Variants in DGKB observed in about 807,000 individuals in gnomAD.
The protein encoded by DGKB is diacylglycerol kinase beta, also known as 90 kDa diacylglycerol kinase.
A neutral mutation model predicts 114.3 loss-of-function variants in DGKB; 67 were observed. The observed-to-expected ratio is 0.59, with a 90% CI of 0.48 to 0.72. DGKB has a LOEUF of 0.72. DGKB is among the 30% of genes least tolerant of loss of function. DGKB has a pLI of 0.00. For missense variants in DGKB, 907 were observed against 975.2 expected, an observed-to-expected ratio of 0.93 and a Z score of 0.93; for synonymous variants, 398 against 323.1, an observed-to-expected ratio of 1.23 and a Z score of -2.49.
chr7:14,436,678 A>AT (rs1583926654), intron 21 of DGKB, among the ~76,000 whole-genome samples: 1 of 152,144 alleles, frequency 6.6e-6, no homozygotes, highest in South Asian at 2.1e-4. Context: ...AATTGCTTTG[A>AT]TTTTTTATTT....
intron 1 of DGKB, among the ~76,000 whole-genome samples, chr7:14,879,121 A>C (rs748731478): frequency 2.4e-4 from 37 of 151,964 alleles, no homozygotes; most frequent in Non-Finnish European, 4.9e-4. Flanking sequence ...TTTAGCAAAG[A>C]ACTAATGTAT....
intron 20 of DGKB, among the ~76,000 whole-genome samples, chr7:14,491,778 C>A (rs1327988059): frequency 6.6e-6 from 1 of 152,002 alleles, no homozygotes; most frequent in Non-Finnish European, 1.5e-5. Flanking sequence ...TGTCCTCATT[C>A]TTTGTTCTCA....
chr7:14,874,673 G>A (rs1045705449), intron 1 of DGKB, among the ~76,000 whole-genome samples: 1 of 151,898 alleles, frequency 6.6e-6, no homozygotes, highest in African/African-American at 2.4e-5. Context: ...AGAAGTGGGG[G>A]AATATTGCTA....
At chr7:14,675,635 G>A (rs1819721151) in intron 12 of DGKB, among the ~76,000 whole-genome samples, 1 of 151,650 alleles carries the variant, frequency 6.6e-6, no homozygotes, top group Non-Finnish European at 1.5e-5. Flanking sequence ...TTCCCAGTTT[G>A]ATTGCCGCTG....
intron 4 of DGKB, 24 bp from the exon 5 acceptor site, chr7:14,736,218 G>A: frequency 6.9e-7 from 1 of 1,439,650 alleles, no homozygotes; most frequent in Non-Finnish European, 9.6e-7. Context: ...ATGTAAACAT[G>A]TATTTTAAGA....
At position 14,648,244 on chromosome 7, in the gene DGKB, T is replaced by G. The variant is rs375248935; in HGVS notation, c.1135-17976A>C. On this transcript the variant is annotated intron_variant, in intron 13 of 25. Transcript: ENST00000402815. The stretch of plus-strand genomic sequence containing the variant: ...TAACCTCTGCAGACTTAAATGTCCC[T>G]GTCTGACAGCTTTGAAGAGAGCAGT... Among the ~76,000 whole-genome samples, 9 of 152,330 alleles carry G rather than the reference T, an allele frequency of 5.9e-5. No individual in the cohort carries two copies. The East Asian group carries it at 1.7e-3, about 29-fold the overall frequency.
chr7:14,629,695 T>C (rs1809329744), intron 14 of DGKB, among the ~76,000 whole-genome samples: 1 of 152,076 alleles, frequency 6.6e-6, no homozygotes, highest in South Asian at 2.1e-4. Context: ...ATGCTTACAT[T>C]TGTTTTCAAA....
chr7:14,684,915 T>C lies in DGKB; in HGVS notation c.829+330A>G, dbSNP rs576298036. ...ACATGTGGGGAGGGGGGGATGAATA[T>C]GAATAAGATGTAAGTATGAAAAACT... is the stretch of plus-strand genomic sequence containing the variant. On this transcript the variant is annotated intron_variant, in intron 10 of 25. Transcript: ENST00000402815. Among the ~76,000 whole-genome samples the C allele has an allele frequency of 6.6e-5, 10 of 152,096 alleles. No individual in the cohort carries two copies. The South Asian group carries it at 2.1e-3, about 32-fold the overall frequency.
At chr7:14,768,122 A>G (rs1161808342) in intron 2 of DGKB, among the ~76,000 whole-genome samples, 1 of 151,968 alleles carries the variant, frequency 6.6e-6, no homozygotes, top group Non-Finnish European at 1.5e-5. Context: ...TCACATACAT[A>G]TTTTAAAGAA....
chr7:14,688,337 C>A (rs942984585), intron 9 of DGKB, among the ~76,000 whole-genome samples: 1 of 152,138 alleles, frequency 6.6e-6, no homozygotes, highest in Non-Finnish European at 1.5e-5. Flanking sequence ...AGCCATTTCA[C>A]CTTTCTTCCT....
intron 23 of DGKB, among the ~76,000 whole-genome samples, chr7:14,272,390 T>C (rs945280951): frequency 6.6e-6 from 1 of 152,172 alleles, no homozygotes; most frequent in East Asian, 1.9e-4. Flanking sequence ...AATTATAGGT[T>C]TGAAGAAAAA....
At chr7:14,616,451 T>C (rs1031561227) in intron 15 of DGKB, among the ~76,000 whole-genome samples, 11 of 151,688 alleles carry the variant, frequency 7.3e-5, no homozygotes, top group Admixed American at 4.0e-4. Flanking sequence ...CACAAAACAA[T>C]TGTGAAATAA....
At chr7:14,566,365 T>C (rs966774105) in intron 20 of DGKB, among the ~76,000 whole-genome samples, 2 of 152,222 alleles carry the variant, frequency 1.3e-5, no homozygotes, top group Non-Finnish European at 2.9e-5. Flanking sequence ...AGGCAGAGTT[T>C]ATAGAATCTC....
intron 21 of DGKB, among the ~76,000 whole-genome samples, chr7:14,452,722 T>A (rs1563213621): frequency 6.6e-6 from 1 of 152,112 alleles, no homozygotes; most frequent in Non-Finnish European, 1.5e-5. Flanking sequence ...TATAAGCTAA[T>A]TTACAATCAT....
At chr7:14,555,270 C>G (rs540483786) in intron 20 of DGKB, among the ~76,000 whole-genome samples, 37 of 152,246 alleles carry the variant, frequency 2.4e-4, no homozygotes, top group African/African-American at 8.4e-4. Flanking sequence ...TTCTGTATCT[C>G]TGCACTTTGT....
chr7:14,516,435 G>A (rs1788807463), intron 20 of DGKB, among the ~76,000 whole-genome samples: 1 of 152,072 alleles, frequency 6.6e-6, no homozygotes, highest in Non-Finnish European at 1.5e-5. Flanking sequence ...TCATAATTTG[G>A]AATTAAGTTG....
At chr7:14,934,170 A>G (rs1243449613) in intron 1 of DGKB, among the ~76,000 whole-genome samples, 1 of 152,190 alleles carries the variant, frequency 6.6e-6, no homozygotes, top group Non-Finnish European at 1.5e-5. Context: ...AACCTCGTGA[A>G]TAATTTCACC....
intron 17 of DGKB, among the ~76,000 whole-genome samples, chr7:14,593,992 C>T (rs1802125896): frequency 6.6e-6 from 1 of 152,026 alleles, no homozygotes; most frequent in African/African-American, 2.4e-5. Context: ...CAGCCCTCTT[C>T]TGCTTATAAA....
In DGKB at chr7:14,336,219, T is replaced by C. The variant is rs147516850; in HGVS notation, c.2122+2296A>G. Among the ~76,000 whole-genome samples, 41 of 152,328 alleles carry C rather than the reference T, an allele frequency of 2.7e-4. No individual in the cohort carries two copies. The East Asian group carries it at 7.9e-3, about 29-fold the overall frequency. On this transcript the variant is annotated intron_variant, in intron 23 of 25. Coordinates refer to ENST00000402815, the MANE Select transcript of DGKB (RefSeq NM_001350709.2). ...ATCAAAACTTAGAAGCATTTTGAGA[T>C]ACTTTTGGTATTCTGTTGCAAAGTA...
Sources: allele counts gnomAD v4.1 joint callset (sites outside exome capture counted in the v4.1 genomes callset), GRCh38; gene constraint gnomAD v4.1.1; transcripts MANE v1.5; gene names NCBI Gene and HGNC (gene_info 2026-07-23, HGNC 2026-07-21).